Variants in SGK1 observed in about 807,000 individuals in gnomAD.
The protein encoded by SGK1 is serine/threonine-protein kinase Sgk1.
In SGK1, 26 loss-of-function variants were observed where a neutral mutation model predicts 64.2. That is an observed-to-expected ratio of 0.40 (90% CI 0.30 to 0.56). SGK1 has a LOEUF of 0.56. Ranked by LOEUF, SGK1 falls within the 20% of genes least tolerant of loss-of-function variation. SGK1 has a pLI of 0.38. For missense variants in SGK1, 519 were observed against 645.6 expected (o/e 0.80, Z 2.12); for synonymous variants, 265 against 239.7 (o/e 1.11, Z -0.98).
intron 1 of SGK1, among the ~76,000 whole-genome samples, chr6:134,314,364 G>A (rs1196744722): frequency 1.3e-5 from 2 of 152,082 alleles, no homozygotes; most frequent in African/African-American, 4.8e-5. Context: ...GGGGTAGGGG[G>A]ACAGAAGAGT....
At chr6:134,219,484 G>A (rs113974590) in intron 2 of SGK1, among the ~76,000 whole-genome samples, 1,896 of 152,252 alleles carry the variant, frequency 0.012, 32 homozygotes, top group African/African-American at 0.041. Flanking sequence ...TAATTGGCCA[G>A]CCGCGGTATC....
intron 3 of SGK1, among the ~76,000 whole-genome samples, chr6:134,199,675 T>C (rs1442084890): frequency 6.8e-6 from 1 of 146,588 alleles, no homozygotes; most frequent in Non-Finnish European, 1.5e-5. Context: ...AAAAAATATA[T>C]ATATATATGA....
At chr6:134,196,878 T>C (rs909578421) in intron 3 of SGK1, among the ~76,000 whole-genome samples, 5 of 152,220 alleles carry the variant, frequency 3.3e-5, no homozygotes, top group African/African-American at 9.6e-5. Flanking sequence ...GTGTTAATTG[T>C]ATTCATTTTT....
At chr6:134,223,849 T>C (rs1010170364) in intron 2 of SGK1, among the ~76,000 whole-genome samples, 1 of 152,256 alleles carries the variant, frequency 6.6e-6, no homozygotes. Flanking sequence ...GTTTTTCTCA[T>C]GCAGTAGGCT....
intron 2 of SGK1, among the ~76,000 whole-genome samples, chr6:134,242,022 T>G (rs1352764958): frequency 1.3e-5 from 2 of 151,622 alleles, no homozygotes; most frequent in Non-Finnish European, 2.9e-5. Flanking sequence ...CTGTCAGGAG[T>G]CCCAGAGGAA....
intron 2 of SGK1, among the ~76,000 whole-genome samples, chr6:134,242,203 AG>A (rs1164946980): frequency 6.6e-6 from 1 of 151,890 alleles, no homozygotes; most frequent in African/African-American, 2.4e-5. Flanking sequence ...ATTAGGAATA[AG>A]GCTGGGCGCG....
intron 3 of SGK1, among the ~76,000 whole-genome samples, chr6:134,190,552 C>T (rs1171636144): frequency 6.6e-6 from 1 of 152,160 alleles, no homozygotes; most frequent in Non-Finnish European, 1.5e-5. Context: ...TCCCAAAGTA[C>T]TGGGATTATA....
At chr6:134,314,523 C>G (rs1777649860) in intron 1 of SGK1, among the ~76,000 whole-genome samples, 2 of 152,208 alleles carry the variant, frequency 1.3e-5, no homozygotes. Context: ...TTTAATCTCT[C>G]TAAGTCACAC....
intron 10 of SGK1, 111 bp from the exon 11 acceptor site, chr6:134,171,843 G>C: frequency 1.4e-6 from 1 of 695,470 alleles, no homozygotes; most frequent in Non-Finnish European, 2.5e-6. Context: ...TTGGAAGATA[G>C]ATATCTTTAG....
chr6:134,179,820 A>T (rs1367301167), intron 3 of SGK1, among the ~76,000 whole-genome samples: 1 of 152,214 alleles, frequency 6.6e-6, no homozygotes, highest in Non-Finnish European at 1.5e-5. Context: ...CCTTCTAAAA[A>T]GTGAGCCCAT....
intron 1 of SGK1, among the ~76,000 whole-genome samples, chr6:134,272,897 C>A (rs2114761327): frequency 6.7e-6 from 1 of 148,418 alleles, no homozygotes; most frequent in Admixed American, 6.9e-5. Flanking sequence ...TTTGCATATA[C>A]TCTGCAGCAT....
intron 1 of SGK1, among the ~76,000 whole-genome samples, chr6:134,268,852 A>G (rs549976643): frequency 6.8e-6 from 1 of 146,640 alleles, no homozygotes; most frequent in East Asian, 2.5e-4. Context: ...TCATTTAACT[A>G]GACAGAAACT....
At chr6:134,289,192 C>T (rs1777227334) in intron 1 of SGK1, among the ~76,000 whole-genome samples, 1 of 152,230 alleles carries the variant, frequency 6.6e-6, no homozygotes, top group African/African-American at 2.4e-5. Flanking sequence ...GGAAAAAACT[C>T]TGTCTCCCTT....
rs1774968349 is a variant in SGK1, at chr6:134,170,234, CAT to C, written c.*32_*33del. 1 of 1,560,796 alleles carries C rather than the reference CAT, an allele frequency of 6.4e-7. No homozygotes were observed. The highest frequency in any genetic ancestry group is 1.4e-5 in the African/African-American group (1 of 73,368). On this transcript the variant is annotated 3_prime_UTR_variant, in exon 14 of 14. Transcript: ENST00000367858. ...GCTAACTAAAACATTCGGAAACACA[CAT>C]AAAATCCTTTAAAACCAAGCCCTAA...
At chr6:134,268,249 G>A (rs1776883654) in intron 1 of SGK1, among the ~76,000 whole-genome samples, 1 of 152,200 alleles carries the variant, frequency 6.6e-6, no homozygotes, top group Non-Finnish European at 1.5e-5. Flanking sequence ...ACAATGGCTG[G>A]AGGAGAGCTG....
chr6:134,300,470 G>A lies in SGK1; in HGVS notation c.69+16922C>T, dbSNP rs1412468636. ...GGAGAATGGCATGAACCCGGGAGGC[G>A]GAGGTTGCAGTGAGCCGAGATCGCG... is the stretch of plus-strand genomic sequence containing the variant. On this transcript the variant is annotated intron_variant, in intron 1 of 13. Transcript: ENST00000367858. Among the ~76,000 whole-genome samples, 8 of 148,922 alleles carry A rather than the reference G, an allele frequency of 5.4e-5. No homozygotes were observed. In the East Asian group the frequency reaches 6.1e-4, roughly 11 times the overall value.
At chr6:134,181,726 T>G (rs1775334380) in intron 3 of SGK1, among the ~76,000 whole-genome samples, 1 of 152,194 alleles carries the variant, frequency 6.6e-6, no homozygotes, top group Non-Finnish European at 1.5e-5. Flanking sequence ...ACTTAAGGAC[T>G]GTTTCCTGTA....
chr6:134,192,154 G>A (rs1775523313), intron 3 of SGK1, among the ~76,000 whole-genome samples: 1 of 151,860 alleles, frequency 6.6e-6, no homozygotes, highest in Admixed American at 6.6e-5. Flanking sequence ...TTATAGAGAT[G>A]GGGTTTTGCC....
Position 134,170,809 on chromosome 6 carries a change from G to A in SGK1, c.1413+17C>T. 2 of 1,500,326 alleles carry A rather than the reference G, an allele frequency of 1.3e-6. No individual in the cohort carries two copies. The highest frequency in any genetic ancestry group is 1.9e-6 in the Non-Finnish European group (2 of 1,078,438). 92.9% of individuals were successfully genotyped at this position (1,500,326 alleles called of 1,614,324 possible). A position where few individuals can be genotyped will look rare whatever the true frequency, so the allele number is the denominator to read the frequency against. ...CCTTTGGGCTTCTCTATACTTAGAA[G>A]AGAGACAGATACTCACCACATTTGG... is the stretch of plus-strand genomic sequence containing the variant. On this transcript the variant is annotated intron_variant, in intron 13 of 13. Coordinates refer to ENST00000367858, the MANE Select transcript of SGK1 (RefSeq NM_001143676.3).
Sources: gnomAD v4.1 joint callset for allele counts (sites outside exome capture counted in the v4.1 genomes callset) on GRCh38, gnomAD v4.1.1 for gene constraint, MANE v1.5 for transcripts, NCBI Gene and HGNC (gene_info 2026-07-23, HGNC 2026-07-21) for gene names.